The following TEN1 variants were observed in gnomAD, a reference collection of about 807,000 sequenced individuals.
TEN1 encodes CST complex subunit TEN1.
A neutral mutation model predicts 9.3 loss-of-function variants in TEN1; 6 were observed. The ratio of observed to expected loss-of-function variants is 0.65; its 90% confidence interval spans 0.35 to 1.27. TEN1 has a LOEUF of 1.27. TEN1 is among the 50% of genes most tolerant of loss of function. TEN1 has a pLI of 0.03. For missense variants in TEN1, 149 were observed against 158.2 expected, an observed-to-expected ratio of 0.94 and a Z score of 0.31; for synonymous variants, 65 against 65.6, an observed-to-expected ratio of 0.99 and a Z score of 0.04.
intron 2 of TEN1, among the ~76,000 whole-genome samples, chr17:75,988,937 A>G (rs2066168745): frequency 6.6e-6 from 1 of 150,836 alleles, no homozygotes; most frequent in Non-Finnish European, 1.5e-5. Flanking sequence ...CACCCGGCTA[A>G]TTTTTTTTAT....
At chr17:75,982,988 A>G (rs1041188013) in intron 1 of TEN1, among the ~76,000 whole-genome samples, 1 of 151,062 alleles carries the variant, frequency 6.6e-6, no homozygotes, top group African/African-American at 2.4e-5. Flanking sequence ...AAAAGAAAGA[A>G]AAAAGGAAGA....
intron 2 of TEN1, among the ~76,000 whole-genome samples, chr17:75,991,253 T>C (rs1488864301): frequency 6.7e-6 from 1 of 149,144 alleles, no homozygotes; most frequent in Non-Finnish European, 1.5e-5. Context: ...ATTAAGAAAA[T>C]TGAAGGCAAG....
intron 1 of TEN1, among the ~76,000 whole-genome samples, chr17:75,983,727 C>T (rs2144343185): frequency 6.6e-6 from 1 of 152,202 alleles, no homozygotes; most frequent in South Asian, 2.1e-4. Flanking sequence ...GGGGTGGTGG[C>T]AGCTAGGCAA....
intron 1 of TEN1, among the ~76,000 whole-genome samples, chr17:75,981,555 C>T (rs1175757924): frequency 6.6e-6 from 1 of 151,414 alleles, no homozygotes; most frequent in East Asian, 1.9e-4. Context: ...GAAAACAATA[C>T]CCCAAAATGA....
At chr17:75,988,461 C>T (rs2066165195) in intron 2 of TEN1, among the ~76,000 whole-genome samples, 1 of 141,860 alleles carries the variant, frequency 7.0e-6, no homozygotes, top group African/African-American at 2.6e-5. Context: ...ACTGGGGAGG[C>T]TGAAGTGGGA....
In TEN1 at chr17:75,993,994, C is replaced by CA. The variant is rs2066203339; in HGVS notation, c.250+2378dup. 5.3e-5 allele frequency among the ~76,000 whole-genome samples: 8 copies of CA among 151,518 alleles called. No individual in the cohort carries two copies. In the South Asian group the frequency reaches 1.7e-3, roughly 32 times the overall value. Reference sequence around the variant, plus strand: ...AGCCTGGCAGAGCGAGACTCCATCTCAAAAAAACAACAACAGAAGAAAAAA... The same window carrying CA: ...AGCCTGGCAGAGCGAGACTCCATCTCAAAAAAAACAACAACAGAAGAAAAAA... On this transcript the variant is annotated intron_variant, in intron 3 of 3. Coordinates refer to ENST00000397640, the MANE Select transcript of TEN1 (RefSeq NM_001113324.3).
intron 1 of TEN1, 129 bp from the exon 2 acceptor site, chr17:75,986,057 AT>A (rs2066150429): frequency 2.7e-6 from 2 of 738,574 alleles, no homozygotes; most frequent in Non-Finnish European, 4.1e-6. Context: ...TTTTTTTTTA[AT>A]TTTAAAACAC....
chr17:76,000,371 C>A lies in TEN1; in HGVS notation c.*109C>A. 1 of 1,414,534 alleles carries A rather than the reference C, an allele frequency of 7.1e-7. No homozygotes were observed. The highest frequency in any genetic ancestry group is 9.3e-7 in the Non-Finnish European group (1 of 1,071,630). The allele number at this position is 1,414,534 out of a possible 1,614,324, so 87.6% of individuals were successfully genotyped here. ...TCCCCAGCGACGGCCTTGTCTGGAG[C>A]TCGAAAGCCGAGGGGCGGGTGATGA... is the stretch of plus-strand genomic sequence containing the variant. On this transcript the variant is annotated 3_prime_UTR_variant, in exon 4 of 4. Transcript: ENST00000397640. This position sits in a 1 kb window ranked among gnomAD's most constrained non-coding sequence, Gnocchi z 5.9.
rs1471897574 is a variant in TEN1, at chr17:76,000,496, G to A, written c.*234G>A. On this transcript the variant is annotated 3_prime_UTR_variant, in exon 4 of 4. Coordinates refer to ENST00000397640, the MANE Select transcript of TEN1 (RefSeq NM_001113324.3). This position sits in a 1 kb window ranked among gnomAD's most constrained non-coding sequence, Gnocchi z 5.9. Reference sequence around the variant, plus strand: ...CCACCCCAGGAGACTGCAGGTGGCCGAGCTTGGGCGCCGGGGCCGTGCTTG... The same window carrying A: ...CCACCCCAGGAGACTGCAGGTGGCCAAGCTTGGGCGCCGGGGCCGTGCTTG... 3.8e-5 allele frequency: 23 copies of A among 604,418 alleles called. No homozygotes were observed. Among genetic ancestry groups the A allele is most frequent in the South Asian group, 9.9e-5 (4 of 40,382 alleles). 37.4% of individuals were successfully genotyped at this position (604,418 alleles called of 1,614,324 possible). A position where few individuals can be genotyped will look rare whatever the true frequency, so the allele number is the denominator to read the frequency against.
At chr17:75,990,358 T>C (rs2066177484) in intron 2 of TEN1, among the ~76,000 whole-genome samples, 2 of 152,014 alleles carry the variant, frequency 1.3e-5, no homozygotes, top group South Asian at 4.1e-4. Flanking sequence ...TAGATATTCT[T>C]ATGGTAGGGG....
chr17:75,980,605 A>C (rs1425958545), intron 1 of TEN1, among the ~76,000 whole-genome samples: 1 of 151,924 alleles, frequency 6.6e-6, no homozygotes, highest in East Asian at 1.9e-4. Flanking sequence ...TTGTATTTTT[A>C]GTAGAGACAG....
At chr17:75,986,426 G>A in intron 2 of TEN1, 142 bp downstream of exon 2, 11 of 797,668 alleles carry the variant, frequency 1.4e-5, no homozygotes, top group Non-Finnish European at 2.0e-5. Flanking sequence ...TAGTTGCCGG[G>A]CGCGGTGGCT....
chr17:75,983,717 G>A (rs1482462189), intron 1 of TEN1, among the ~76,000 whole-genome samples: 1 of 152,192 alleles, frequency 6.6e-6, no homozygotes, highest in African/African-American at 2.4e-5. Context: ...TTTCGGGGAA[G>A]GGGTGGTGGC....
chr17:75,983,437 T>G (rs2066134756), intron 1 of TEN1, among the ~76,000 whole-genome samples: 1 of 152,158 alleles, frequency 6.6e-6, no homozygotes, highest in Admixed American at 6.5e-5. Flanking sequence ...ACTCCTTTAG[T>G]CCCCTCATGT....
chr17:75,995,016 G>A (rs2066210418), intron 3 of TEN1, among the ~76,000 whole-genome samples: 1 of 152,088 alleles, frequency 6.6e-6, no homozygotes, highest in Admixed American at 6.6e-5. Flanking sequence ...GAGATCAGGA[G>A]TTTAAGACCA....
intron 3 of TEN1, among the ~76,000 whole-genome samples, chr17:75,994,351 T>C (rs1461248938): frequency 2.7e-5 from 4 of 148,756 alleles, no homozygotes; most frequent in Admixed American, 2.7e-4. Context: ...GGAGAATCGC[T>C]TGAACCCGGG....
At chr17:75,998,015 C>A (rs1169006322) in intron 3 of TEN1, among the ~76,000 whole-genome samples, 1 of 151,998 alleles carries the variant, frequency 6.6e-6, no homozygotes, top group Non-Finnish European at 1.5e-5. Flanking sequence ...CCACACCCAG[C>A]TAATTTTTGT....
At chr17:75,980,113 T>TATCA (rs1299545802) in intron 1 of TEN1, among the ~76,000 whole-genome samples, 1 of 151,922 alleles carries the variant, frequency 6.6e-6, no homozygotes, top group Non-Finnish European at 1.5e-5. Context: ...GAGGCGGGCG[T>TATCA]ATCACTTGAG....
chr17:75,994,494 G>A (rs2066207124), intron 3 of TEN1, among the ~76,000 whole-genome samples: 1 of 151,294 alleles, frequency 6.6e-6, no homozygotes, highest in Admixed American at 6.6e-5. Flanking sequence ...TTGTGAGACG[G>A]AGTCTCACTC....
Sources: gnomAD v4.1 joint callset for allele counts (sites outside exome capture counted in the v4.1 genomes callset) on GRCh38, gnomAD v4.1.1 for gene constraint, Gnocchi (gnomAD v3.1) non-coding constraint, MANE v1.5 for transcripts, NCBI Gene and HGNC (gene_info 2026-07-23, HGNC 2026-07-21) for gene names.